The following FHIT variants were observed in gnomAD, a reference collection of about 807,000 sequenced individuals.
FHIT encodes the protein bis(5'-adenosyl)-triphosphatase.
In FHIT, 19 loss-of-function variants were observed where a neutral mutation model predicts 17.9. The ratio of observed to expected loss-of-function variants is 1.06; its 90% CI spans 0.74 to 1.56. The LOEUF is 1.56. FHIT is among the 40% of genes most tolerant of loss of function. The pLI is 0.00. For missense variants in FHIT, 248 were observed against 189.2 expected (o/e 1.31, Z -1.82); for synonymous variants, 81 against 69.7 (o/e 1.16, Z -0.81).
At chr3:60,965,143 T>C (rs1709659144) in intron 3 of FHIT, among the ~76,000 whole-genome samples, 1 of 151,988 alleles carries the variant, frequency 6.6e-6, no homozygotes, top group Non-Finnish European at 1.5e-5. Context: ...TTTACTCTTT[T>C]TTCTCTAAAC....
chr3:61,065,927 T>C (rs2034593809), intron 2 of FHIT, among the ~76,000 whole-genome samples: 1 of 152,168 alleles, frequency 6.6e-6, no homozygotes, highest in Non-Finnish European at 1.5e-5. Context: ...CTTAGTCTGC[T>C]TTGTGCCGCT....
chr3:60,408,646 T>G (rs1246739532), intron 5 of FHIT, among the ~76,000 whole-genome samples: 1 of 152,086 alleles, frequency 6.6e-6, no homozygotes, highest in African/African-American at 2.4e-5. Context: ...GGAGAAATAA[T>G]TGACAACAGA....
At chr3:60,537,542 A>G in intron 4 of FHIT, 8 of 819,574 alleles carry the variant, frequency 9.8e-6, no homozygotes, top group Non-Finnish European at 1.2e-5. Context: ...AAAAACATTT[A>G]AAAAGAAGGA....
At chr3:60,259,236 T>C (rs954132640) in intron 5 of FHIT, among the ~76,000 whole-genome samples, 6 of 152,102 alleles carry the variant, frequency 3.9e-5, no homozygotes, top group Non-Finnish European at 5.9e-5. Flanking sequence ...ACCCTTAAAA[T>C]ATCTGAAAAC....
chr3:60,370,645 C>A lies in FHIT; in HGVS notation c.103+166215G>T, dbSNP rs151024488. ...ATACCCCTCTTCTCTTTCACCCTTT[C>A]ATCTGTCTGATGCATCACTAAGCCC... On this transcript the variant is annotated intron_variant, in intron 5 of 9. Transcript: ENST00000492590. Among the ~76,000 whole-genome samples, 1,130 of 152,268 alleles carry A rather than the reference C, an allele frequency of 7.4e-3. 8 individuals are homozygous for A. The highest frequency in any genetic ancestry group is 0.011 in the Admixed American group (168 of 15,290).
chr3:60,142,275 A>G (rs1160858473), intron 5 of FHIT, among the ~76,000 whole-genome samples: 4 of 152,180 alleles, frequency 2.6e-5, no homozygotes, highest in Non-Finnish European at 5.9e-5. Context: ...CACGTAGCTC[A>G]TAAGGTTGCT....
chr3:60,547,235 AATC>A (rs1024826220), intron 4 of FHIT, among the ~76,000 whole-genome samples: 31 of 152,212 alleles, frequency 2.0e-4, no homozygotes, highest in African/African-American at 7.2e-4. Context: ...TTCCAGGGAA[AATC>A]ATCTTCAGGG....
intron 5 of FHIT, among the ~76,000 whole-genome samples, chr3:60,253,622 T>C (rs924312236): frequency 5.3e-5 from 8 of 152,210 alleles, no homozygotes; most frequent in African/African-American, 7.2e-5. Context: ...AGAGATTACC[T>C]GAGGTTCTTC....
At chr3:61,157,772 A>G (rs1389196088) in intron 2 of FHIT, among the ~76,000 whole-genome samples, 1 of 152,212 alleles carries the variant, frequency 6.6e-6, no homozygotes, top group African/African-American at 2.4e-5. Context: ...AAGAACATTC[A>G]TAGCAGCACC....
At chr3:59,801,520 T>G (rs1387838973) in intron 8 of FHIT, among the ~76,000 whole-genome samples, 140 of 152,172 alleles carry the variant, frequency 9.2e-4, no homozygotes, top group Non-Finnish European at 1.7e-3. Context: ...CCTATATAAG[T>G]GAAAATATAG....
chr3:60,729,464 C>A (rs1178233664), intron 4 of FHIT, among the ~76,000 whole-genome samples: 1 of 152,136 alleles, frequency 6.6e-6, no homozygotes, highest in African/African-American at 2.4e-5. Context: ...AAAATAGGTG[C>A]TGGGGCAAGT....
intron 2 of FHIT, among the ~76,000 whole-genome samples, chr3:61,107,800 AGGAAAGTGATGTACAGAAAAT>A (rs2036034169): frequency 6.6e-6 from 1 of 152,204 alleles, no homozygotes; most frequent in South Asian, 2.1e-4. Context: ...GGACAGAAAA[AGGAAAGTGATGTACAGAAAAT>A]GGAAGTAAAA....
chr3:60,466,968 A>G lies in FHIT; in HGVS notation c.103+69892T>C, dbSNP rs144912569. On this transcript the variant is annotated intron_variant, in intron 5 of 9. Coordinates refer to ENST00000492590, the MANE Select transcript of FHIT (RefSeq NM_002012.4). ...CATTGGTATTAGTGGTTCTTTACGC[A>G]TTTGCTAAAATTCAGCAGTTAAGCC... Among the ~76,000 whole-genome samples, 482 of 151,716 alleles carry G rather than the reference A, an allele frequency of 3.2e-3. 2 individuals carry two copies. The highest frequency in any genetic ancestry group is 0.011 in the African/African-American group (460 of 41,418).
rs146552389 is a variant in FHIT at position 60,684,665 on chromosome 3, A to G, written c.-18+137254T>C. ...GCTGTGCCACCCCTTTACAAATTCCATTGCGCATCCGTGACTTCCTTTCCA... is the reference window on the plus strand; with the variant it reads ...GCTGTGCCACCCCTTTACAAATTCCGTTGCGCATCCGTGACTTCCTTTCCA... On this transcript the variant is annotated intron_variant, in intron 4 of 9. Coordinates refer to ENST00000492590, the MANE Select transcript of FHIT (RefSeq NM_002012.4). Among the ~76,000 whole-genome samples, 24 of 152,002 alleles carry G rather than the reference A, an allele frequency of 1.6e-4. No homozygotes were observed. In the East Asian group the frequency reaches 2.9e-3, roughly 18 times the overall value.
chr3:60,922,027 G>A (rs1707312576), intron 3 of FHIT, among the ~76,000 whole-genome samples: 1 of 152,170 alleles, frequency 6.6e-6, no homozygotes, highest in Non-Finnish European at 1.5e-5. Flanking sequence ...GAGATACCTG[G>A]TAATGAAATA....
At chr3:59,983,431 G>C (rs1708743225) in intron 7 of FHIT, among the ~76,000 whole-genome samples, 1 of 152,076 alleles carries the variant, frequency 6.6e-6, no homozygotes, top group South Asian at 2.1e-4. Flanking sequence ...CTGAGAGCAA[G>C]AAAAAGACCA....
intron 3 of FHIT, among the ~76,000 whole-genome samples, chr3:60,952,170 C>A (rs1186661644): frequency 1.1e-5 from 1 of 93,568 alleles, no homozygotes; most frequent in Non-Finnish European, 2.3e-5. Context: ...GTCCTCCCCA[C>A]CCCCCCCCCA....
chr3:60,686,796 C>A lies in FHIT; in HGVS notation c.-18+135123G>T, dbSNP rs143956032. Among the ~76,000 whole-genome samples the A allele has an allele frequency of 1.5e-4, 23 of 152,288 alleles. No individual in the cohort carries two copies. The East Asian group carries it at 4.4e-3, about 29-fold the overall frequency. On this transcript the variant is annotated intron_variant, in intron 4 of 9. Transcript: ENST00000492590. ...GGTTCATAAGGCCAGAAAGACTGAG[C>A]TTCCTACAGGAGTTTCAGCCACTCT...
At chr3:60,275,116 A>G (rs1707062597) in intron 5 of FHIT, among the ~76,000 whole-genome samples, 1 of 152,086 alleles carries the variant, frequency 6.6e-6, no homozygotes, top group Admixed American at 6.5e-5. Context: ...TGTGATAACT[A>G]GAAAAATTTT....
Sources: allele counts gnomAD v4.1 joint callset (sites outside exome capture counted in the v4.1 genomes callset), GRCh38; gene constraint gnomAD v4.1.1; transcripts MANE v1.5; gene names NCBI Gene and HGNC (gene_info 2026-07-23, HGNC 2026-07-21).